RXRA: variants seen among roughly 807,000 people sequenced by gnomAD.
The protein encoded by RXRA is retinoic acid receptor RXR-alpha.
In RXRA, 5 loss-of-function variants were observed where a neutral mutation model predicts 44.5. The observed-to-expected ratio is 0.11, with a 90% CI of 0.06 to 0.24. The LOEUF is 0.24. RXRA is among the 10% of genes least tolerant of loss of function. The probability of loss-of-function intolerance (pLI) is 1.00; values close to 1 mark genes in which losing one functional copy is unlikely to be tolerated. For missense variants in RXRA, 412 were observed against 646.5 expected (o/e 0.64, Z 3.93); for synonymous variants, 291 against 271.4 (o/e 1.07, Z -0.71).
At chr9:134,359,692 G>C (rs1830325831) in intron 1 of RXRA, among the ~76,000 whole-genome samples, 1 of 152,050 alleles carries the variant, frequency 6.6e-6, no homozygotes, top group African/African-American at 2.4e-5. Context: ...CACAGGCTGA[G>C]GGCAGGGGAA....
intron 4 of RXRA, among the ~76,000 whole-genome samples, chr9:134,413,970 G>A (rs911088483): frequency 4.6e-5 from 7 of 152,296 alleles, no homozygotes; most frequent in African/African-American, 1.7e-4. Context: ...CCACGCTCTG[G>A]TCTGGAGGGT....
intron 1 of RXRA, among the ~76,000 whole-genome samples, 164 bp downstream of exon 1, chr9:134,326,823 G>A (rs1554746093): frequency 6.9e-6 from 1 of 144,526 alleles, no homozygotes; most frequent in Non-Finnish European, 1.5e-5. Flanking sequence ...GGCCCGGGGA[G>A]GGTCGACCCG....
chr9:134,422,092 C>A (rs1442798966), intron 6 of RXRA: 1 of 1,352,662 alleles, frequency 7.4e-7, no homozygotes, highest in Non-Finnish European at 9.7e-7. Flanking sequence ...CAGGACACTC[C>A]CGACTCCTGG....
At chr9:134,356,577 C>T (rs1368221193) in intron 1 of RXRA, among the ~76,000 whole-genome samples, 6 of 152,212 alleles carry the variant, frequency 3.9e-5, no homozygotes, top group South Asian at 4.1e-4. Context: ...GGAGAAGGTC[C>T]GTGCCTTGCC....
At chr9:134,329,184 T>C (rs1166452997) in intron 1 of RXRA, among the ~76,000 whole-genome samples, 4 of 152,222 alleles carry the variant, frequency 2.6e-5, no homozygotes, top group African/African-American at 9.6e-5. Flanking sequence ...GTTGGGGCAC[T>C]TGGGGGCCTG....
In RXRA at chr9:134,394,689, A is replaced by G. The variant is rs531081302; in HGVS notation, c.29-6943A>G. On this transcript the variant is annotated intron_variant, in intron 1 of 9. Transcript: ENST00000481739. ...TCAGGGGCCAGAGGCCTCAGGCAGCACCCCTGGTCCCCTCATCTTGACATC... is the reference window on the plus strand; with the variant it reads ...TCAGGGGCCAGAGGCCTCAGGCAGCGCCCCTGGTCCCCTCATCTTGACATC... Among the ~76,000 whole-genome samples, 3 of 152,216 alleles carry G rather than the reference A, an allele frequency of 2.0e-5. No homozygotes were observed. The South Asian group carries it at 6.2e-4, about 32-fold the overall frequency.
intron 1 of RXRA, among the ~76,000 whole-genome samples, chr9:134,360,373 G>T (rs972798642): frequency 6.6e-6 from 1 of 152,216 alleles, no homozygotes; most frequent in East Asian, 1.9e-4. Flanking sequence ...AGCCTGCCGT[G>T]CCCAGGCCTG....
chr9:134,399,173 T>C (rs1456784679), intron 1 of RXRA, among the ~76,000 whole-genome samples: 1 of 152,196 alleles, frequency 6.6e-6, no homozygotes, highest in Non-Finnish European at 1.5e-5. Context: ...AGGGGTCAGC[T>C]GAAGGTGGGT....
At chr9:134,380,074 A>G in intron 1 of RXRA, 1 of 985,446 alleles carries the variant, frequency 1.0e-6, no homozygotes, top group Non-Finnish European at 1.2e-6. Flanking sequence ...TCTCCCCTGC[A>G]GCCCCTCTGT....
Position 134,366,563 on chromosome 9 carries a change from G to A in RXRA, c.29-35069G>A, listed in dbSNP as rs1458357534. On this transcript the variant is annotated intron_variant, in intron 1 of 9. Coordinates refer to ENST00000481739, the MANE Select transcript of RXRA (RefSeq NM_002957.6). This position sits in a 1 kb window ranked among gnomAD's most constrained non-coding sequence, Gnocchi z 5.9. The stretch of plus-strand genomic sequence containing the variant: ...CTCCAGGTCCCCCGGGTGCTGGCCT[G>A]GGGACAGCACCACAGGGCCCAGCCA... Among the ~76,000 whole-genome samples, 4 of 152,140 alleles carry A rather than the reference G, an allele frequency of 2.6e-5. No homozygotes were observed. The highest frequency in any genetic ancestry group is 7.2e-5 in the African/African-American group (3 of 41,434).
chr9:134,392,491 AC>A (rs1263550514), intron 1 of RXRA, among the ~76,000 whole-genome samples: 1 of 152,054 alleles, frequency 6.6e-6, no homozygotes, highest in Non-Finnish European at 1.5e-5. Flanking sequence ...CTTTTTGGGA[AC>A]CAGTGGAGCG....
Position 134,384,953 on chromosome 9 carries a change from G to A in RXRA, c.29-16679G>A, listed in dbSNP as rs568798354. On this transcript the variant is annotated intron_variant, in intron 1 of 9. Coordinates refer to ENST00000481739, the MANE Select transcript of RXRA (RefSeq NM_002957.6). ...AGACTTCTGGTTCCCCTCCAGCCCT[G>A]TGTGACATCTTGGCGGCCTGTCCCC... is the stretch of plus-strand genomic sequence containing the variant. 1.2e-4 allele frequency among the ~76,000 whole-genome samples: 19 copies of A among 152,330 alleles called. No individual in the cohort carries two copies. The East Asian group carries it at 3.1e-3, about 25-fold the overall frequency.
At chr9:134,345,744 A>G (rs1380123656) in intron 1 of RXRA, among the ~76,000 whole-genome samples, 2 of 152,224 alleles carry the variant, frequency 1.3e-5, no homozygotes, top group Non-Finnish European at 2.9e-5. Flanking sequence ...CCCCAGCCCC[A>G]GCCGTGCCAT....
At position 134,366,675 on chromosome 9, in the gene RXRA, C is replaced by T. The variant is rs942027266; in HGVS notation, c.29-34957C>T. Among the ~76,000 whole-genome samples, 8 of 152,144 alleles carry T rather than the reference C, an allele frequency of 5.3e-5. No homozygotes were observed. The highest frequency in any genetic ancestry group is 1.3e-4 in the Admixed American group (2 of 15,284). ...GGGTGGGGCTGGAGAAATCAGCTCC[C>T]GCCAGCCTGATCTTCCTGCCTCAGA... is the stretch of plus-strand genomic sequence containing the variant. On this transcript the variant is annotated intron_variant, in intron 1 of 9. Transcript: ENST00000481739. The surrounding 1 kb of genome is among the most constrained non-coding windows in gnomAD (Gnocchi z 5.9).
intron 1 of RXRA, among the ~76,000 whole-genome samples, chr9:134,355,016 C>G (rs935998400): frequency 1.4e-4 from 22 of 152,248 alleles, no homozygotes; most frequent in Admixed American, 1.4e-3. Context: ...GGCCTCTGGT[C>G]TAGAAGTGGT....
intron 1 of RXRA, among the ~76,000 whole-genome samples, chr9:134,380,962 C>T (rs1001582961): frequency 2.0e-5 from 3 of 152,182 alleles, no homozygotes; most frequent in Non-Finnish European, 4.4e-5. Context: ...GGGTGCCCCT[C>T]ACTGTACTGG....
intron 1 of RXRA, among the ~76,000 whole-genome samples, chr9:134,398,043 G>A (rs1017434880): frequency 1.5e-4 from 23 of 151,924 alleles, no homozygotes; most frequent in Non-Finnish European, 2.9e-4. Context: ...GCGATGGCGC[G>A]ATCTCTGCTT....
intron 1 of RXRA, among the ~76,000 whole-genome samples, chr9:134,390,312 C>T (rs1830781042): frequency 6.6e-6 from 1 of 152,218 alleles, no homozygotes; most frequent in South Asian, 2.1e-4. Context: ...CCCTCCTCTC[C>T]ATTGCCGTCC....
intron 6 of RXRA, chr9:134,422,033 T>TGCTCCCATCTCCCAGGAC (rs1564294684): frequency 2.5e-6 from 3 of 1,204,974 alleles, no homozygotes; most frequent in East Asian, 4.4e-5. Flanking sequence ...CCTCCCTGGA[T>TGCTCCCATCTCCCAGGAC]GCTCCCATCT....
Sources: allele counts gnomAD v4.1 joint callset (sites outside exome capture counted in the v4.1 genomes callset), GRCh38; gene constraint gnomAD v4.1.1; non-coding constraint Gnocchi (gnomAD v3.1); transcripts MANE v1.5; gene names NCBI Gene and HGNC (gene_info 2026-07-23, HGNC 2026-07-21).